Variants in DNAJB11 observed in about 807,000 individuals in gnomAD.
DNAJB11 encodes the protein dnaJ homolog subfamily B member 11.
DNAJB11 carries 30 observed loss-of-function variants against 47.2 expected under a neutral mutation model. That is an observed-to-expected ratio of 0.64 (90% CI 0.48 to 0.86). DNAJB11 has a LOEUF of 0.86. Among genes scored for constraint, DNAJB11 ranks in the 40% least tolerant of loss-of-function variants. The pLI, the probability that DNAJB11 is intolerant of heterozygous loss-of-function variation, is 0.00. For missense variants in DNAJB11, 357 were observed against 440.2 expected, an observed-to-expected ratio of 0.81 and a Z score of 1.69; for synonymous variants, 151 against 159.9, an observed-to-expected ratio of 0.94 and a Z score of 0.42.
intron 2 of DNAJB11, among the ~76,000 whole-genome samples, chr3:186,572,812 G>A (rs998188567): frequency 1.3e-4 from 20 of 152,122 alleles, no homozygotes; most frequent in African/African-American, 3.4e-4. Flanking sequence ...CCATTTCAAG[G>A]GAGCAGCTGT....
intron 9 of DNAJB11, among the ~76,000 whole-genome samples, 166 bp downstream of exon 9, chr3:186,584,755 G>A (rs1286669076): frequency 3.3e-5 from 5 of 152,054 alleles, no homozygotes; most frequent in Non-Finnish European, 5.9e-5. Context: ...CTGTAAAGGC[G>A]ATATATTAAA....
At chr3:186,581,108 T>G in intron 4 of DNAJB11, 1 of 364,576 alleles carries the variant, frequency 2.7e-6, no homozygotes, top group Non-Finnish European at 5.0e-6. Context: ...TACACTTTAT[T>G]TTTCGGTTCT....
chr3:186,574,826 A>G (rs1715210384), intron 2 of DNAJB11, among the ~76,000 whole-genome samples: 2 of 152,224 alleles, frequency 1.3e-5, no homozygotes, highest in Non-Finnish European at 2.9e-5. Context: ...TTTCTGGGCC[A>G]CCATGAGTGT....
chr3:186,582,619 C>A, intron 6 of DNAJB11, 97 bp from the exon 7 acceptor site: 2 of 994,310 alleles, frequency 2.0e-6, no homozygotes, highest in Non-Finnish European at 3.1e-6. Flanking sequence ...CAGGTCAATG[C>A]CCAAAGTAGT....
rs962770755 is a variant in DNAJB11, at chr3:186,575,906, C to T, written c.292C>T (p.His98Tyr). The T allele has an allele frequency of 4.3e-6, 7 of 1,613,714 alleles. No individual in the cohort carries two copies. Among genetic ancestry groups the T allele is most frequent in the Non-Finnish European group, 5.9e-6 (7 of 1,179,834 alleles). Residue 98 changes from histidine (H) to tyrosine (Y), a missense_variant, in exon 3 of 10, where the codon CAT becomes TAT. His to Tyr is a moderately conservative substitution (Grantham distance 83). Coordinates refer to ENST00000265028, the MANE Select transcript of DNAJB11 (RefSeq NM_016306.6). ...TYGEEGLKDG[H>Y]QSSHGDIFSH... ...TGGTGAAGAAGGATTAAAAGATGGT[C>T]ATCAGAGCTCCCATGGAGACATTTT... is the stretch of plus-strand genomic sequence containing the variant.
intron 9 of DNAJB11, 109 bp from the exon 10 acceptor site, chr3:186,585,235 C>T: frequency 1.3e-6 from 1 of 766,212 alleles, no homozygotes; most frequent in Non-Finnish European, 2.1e-6. Context: ...AATTCACATC[C>T]ATGTTTGTCA....
intron 4 of DNAJB11, chr3:186,578,771 G>A (rs138935898): frequency 2.0e-5 from 3 of 152,276 alleles, no homozygotes; most frequent in Non-Finnish European, 2.9e-5. Flanking sequence ...TGTATGTAAT[G>A]CAGATATAGG....
chr3:186,576,301 T>C (rs1443974870), intron 3 of DNAJB11, among the ~76,000 whole-genome samples: 2 of 152,218 alleles, frequency 1.3e-5, no homozygotes, highest in Non-Finnish European at 2.9e-5. Flanking sequence ...CCTGCTCCCA[T>C]ACCCAGAGCT....
chr3:186,581,205 G>C (rs528462563), intron 4 of DNAJB11, 166 bp from the exon 5 acceptor site: 1 of 692,482 alleles, frequency 1.4e-6, no homozygotes, highest in Non-Finnish European at 2.3e-6. Context: ...TTTGGGGGCT[G>C]ATTTGTACTC....
intron 2 of DNAJB11, among the ~76,000 whole-genome samples, 161 bp downstream of exon 2, chr3:186,572,412 G>A (rs371682502): frequency 9.9e-5 from 15 of 152,102 alleles, no homozygotes; most frequent in South Asian, 2.1e-4. Context: ...TGCAATCTCC[G>A]CTCACTGCAA....
intron 1 of DNAJB11, 50 bp downstream of exon 1, chr3:186,571,015 T>TGGGGGTGGGG: frequency 6.9e-6 from 1 of 144,544 alleles, no homozygotes; most frequent in Non-Finnish European, 1.5e-5. Context: ...CAGCCTTTGC[T>TGGGGGTGGGG]GGGGGGTGGG....
intron 4 of DNAJB11, 75 bp from the exon 5 acceptor site, chr3:186,581,296 G>A (rs1366468695): frequency 6.5e-7 from 1 of 1,543,664 alleles, no homozygotes; most frequent in African/African-American, 1.4e-5. Flanking sequence ...CATATGTGCA[G>A]AGCCTTGATC....
In DNAJB11 at chr3:186,577,771, G is replaced by A. The variant is rs1432965501; in HGVS notation, c.427G>A (p.Glu143Lys). Reference sequence around the variant, plus strand: ...TATTGTAGATCTAGAAGTCACTTTGGAAGAAGTATATGCAGGAAATTTTGT... The same window carrying A: ...TATTGTAGATCTAGAAGTCACTTTGAAAGAAGTATATGCAGGAAATTTTGT... The part of the protein sequence containing the change: ...DIIVDLEVTL[E>K]EVYAGNFVEV... The change falls in exon 4 of 10, where the codon GAA becomes AAA. Residue 143 changes from glutamate (E) to lysine (K), a missense_variant. Transcript: ENST00000265028. 1.2e-6 allele frequency: 2 copies of A among 1,606,526 alleles called. No individual in the cohort carries two copies. The highest frequency in any genetic ancestry group is 1.7e-5 in the Admixed American group (1 of 58,452).
chr3:186,572,466 C>T (rs1027770020), intron 2 of DNAJB11, among the ~76,000 whole-genome samples: 1 of 152,174 alleles, frequency 6.6e-6, no homozygotes, highest in Non-Finnish European at 1.5e-5. Flanking sequence ...CTCAGCCTCC[C>T]AAGTAGCTGG....
Position 186,570,930 on chromosome 3 carries a change from G to T in DNAJB11, c.33G>T (p.Leu11=), listed in dbSNP as rs1213424012. ...CGCAGAACCTGAGCACCTTTTGCCT[G>T]TTGCTGCTATACCTCATCGGGGCGG... The part of the protein sequence containing the change: MAPQNLSTFC[L]LLLYLIGAVI... Residue 11 remains leucine (L), a synonymous_variant, in exon 1 of 10, where the codon CTG becomes CTT. Transcript: ENST00000265028. 6.3e-7 allele frequency: 1 copy of T among 1,599,614 alleles called. No individual in the cohort carries two copies. The highest frequency in any genetic ancestry group is 8.5e-7 in the Non-Finnish European group (1 of 1,172,856).
chr3:186,582,037 T>C lies in DNAJB11; in HGVS notation c.642T>C (p.Pro214=), dbSNP rs1715505104. 1.2e-6 allele frequency: 2 copies of C among 1,613,870 alleles called. No individual in the cohort carries two copies. The highest frequency in any genetic ancestry group is 1.7e-6 in the Non-Finnish European group (2 of 1,179,894). ...GAACGCTGGAAGTAGAAATAGAGCC[T>C]GGGGTGAGAGACGGCATGGAGTACC... ...EERTLEVEIE[P]GVRDGMEYPF... Residue 214 remains proline (P), a synonymous_variant, in exon 6 of 10, where the codon CCT becomes CCC. Coordinates refer to ENST00000265028, the MANE Select transcript of DNAJB11 (RefSeq NM_016306.6).
chr3:186,575,385 GTGTGTGTC>G (rs1227577995), intron 2 of DNAJB11, among the ~76,000 whole-genome samples: 38 of 152,060 alleles, frequency 2.5e-4, no homozygotes, highest in African/African-American at 7.0e-4. Flanking sequence ...GTGTGTGTGT[GTGTGTGTC>G]TGTGTGTGTG....
Position 186,582,743 on chromosome 3 carries a change from G to A in DNAJB11, c.710G>A (p.Gly237Glu). The change falls in exon 7 of 10, where the codon GGA becomes GAA. Residue 237 changes from glycine (G) to glutamate (E), a missense_variant. Physicochemically the swap from Gly to Glu is moderately conservative, Grantham distance 98 (BLOSUM62 -2). Transcript: ENST00000265028. ...GAGCCTCACGTGGATGGGGAGCCTG[G>A]AGATTTACGGTTCCGAATCAAAGTT... ...EGEPHVDGEP[G>E]DLRFRIKVVK... is the part of the protein sequence containing the mutation. 6.3e-7 allele frequency: 1 copy of A among 1,590,376 alleles called. No individual in the cohort carries two copies. Among genetic ancestry groups the A allele is most frequent in the East Asian group, 2.3e-5 (1 of 44,418 alleles).
chr3:186,571,623 C>T (rs1055979660), intron 1 of DNAJB11, among the ~76,000 whole-genome samples: 1 of 152,156 alleles, frequency 6.6e-6, no homozygotes, highest in African/African-American at 2.4e-5. Context: ...TCTGGCAGTG[C>T]TACTGTTAGG....
Sources: gnomAD v4.1 joint callset for allele counts (sites outside exome capture counted in the v4.1 genomes callset) on GRCh38, gnomAD v4.1.1 for gene constraint, MANE v1.5 for transcripts, NCBI Gene and HGNC (gene_info 2026-07-23, HGNC 2026-07-21) for gene names.